The following MEI4 variants were observed in gnomAD, a reference collection of about 807,000 sequenced individuals.
MEI4 encodes meiotic double-stranded break formation protein 4.
A neutral mutation model predicts 31.4 loss-of-function variants in MEI4; 27 were observed. The ratio of observed to expected loss-of-function variants is 0.86; its 90% CI spans 0.63 to 1.19. The LOEUF (loss-of-function observed/expected upper bound fraction) is 1.19, where lower values mean the gene tolerates loss of function less well. MEI4 is among the 50% of genes most tolerant of loss of function. The pLI is 0.00. For synonymous variants in MEI4, 122 were observed against 145.4 expected, an observed-to-expected ratio of 0.84 and a Z score of 1.16; for missense variants, 329 against 398.9, an observed-to-expected ratio of 0.82 and a Z score of 1.49.
At chr6:77,776,699 C>T (rs1252071086) in intron 3 of MEI4, among the ~76,000 whole-genome samples, 1 of 152,052 alleles carries the variant, frequency 6.6e-6, no homozygotes, top group African/African-American at 2.4e-5. Flanking sequence ...ACCCTGAAGC[C>T]TCTGTAGTTT....
chr6:77,734,769 T>G (rs1582076483), intron 2 of MEI4, among the ~76,000 whole-genome samples: 2 of 152,034 alleles, frequency 1.3e-5, no homozygotes, highest in Non-Finnish European at 2.9e-5. Context: ...GCAGTGGCTG[T>G]TACTGGTTGT....
At chr6:77,829,666 C>T (rs1446372133) in intron 4 of MEI4, among the ~76,000 whole-genome samples, 2 of 152,092 alleles carry the variant, frequency 1.3e-5, no homozygotes, top group African/African-American at 4.8e-5. Flanking sequence ...GTAGAAGGAA[C>T]ATAAGTCATT....
At chr6:77,922,456 C>CTGAT (rs942057531) in intron 4 of MEI4, among the ~76,000 whole-genome samples, 39 of 151,720 alleles carry the variant, frequency 2.6e-4, no homozygotes, top group African/African-American at 9.2e-4. Flanking sequence ...CATTTTTATA[C>CTGAT]TGATTCTGCC....
At chr6:77,801,778 A>C (rs1769268424) in intron 3 of MEI4, among the ~76,000 whole-genome samples, 1 of 152,000 alleles carries the variant, frequency 6.6e-6, no homozygotes, top group Non-Finnish European at 1.5e-5. Flanking sequence ...CATGTAGTTG[A>C]GCGGTTTTGA....
intron 4 of MEI4, among the ~76,000 whole-genome samples, chr6:77,883,745 A>ATATATATAT (rs55947073): frequency 0.027 from 2,242 of 82,184 alleles, 119 homozygotes; most frequent in African/African-American, 0.039. Context: ...TATATATATA[A>ATATATATAT]CTTTGTCTTT....
chr6:77,795,766 GA>G lies in MEI4; in HGVS notation c.769-33153del, dbSNP rs71774242. Among the ~76,000 whole-genome samples the G allele has an allele frequency of 1.8e-3, 264 of 143,692 alleles. 2 individuals are homozygous for G. Among genetic ancestry groups the G allele is most frequent in the Middle Eastern group, 0.011 (3 of 274 alleles). 94.3% of individuals were successfully genotyped at this position (143,692 alleles called of 152,430 possible). A position where few individuals can be genotyped will look rare whatever the true frequency, so the allele number is the denominator to read the frequency against. ...AATAATGAATAAAGAGATTGCATTG[GA>G]AAAAAAAAAAACTCCCAACAAATAA... On this transcript the variant is annotated intron_variant, in intron 3 of 4. Transcript: ENST00000684080.
chr6:77,917,792 T>C (rs1339356337), intron 4 of MEI4, among the ~76,000 whole-genome samples: 4 of 151,276 alleles, frequency 2.6e-5, no homozygotes, highest in Admixed American at 2.6e-4. Flanking sequence ...TTTGTCAATT[T>C]TGTCTTTTCT....
At chr6:77,834,983 A>G (rs998280904) in intron 4 of MEI4, among the ~76,000 whole-genome samples, 2 of 152,144 alleles carry the variant, frequency 1.3e-5, no homozygotes, top group African/African-American at 2.4e-5. Flanking sequence ...CAGCCAAGCA[A>G]TCTGAAGCTA....
chr6:77,836,281 G>T (rs1770217644), intron 4 of MEI4, among the ~76,000 whole-genome samples: 1 of 152,046 alleles, frequency 6.6e-6, no homozygotes, highest in South Asian at 2.1e-4. Context: ...CAGTAGCCAA[G>T]CTATTAAAAA....
intron 4 of MEI4, among the ~76,000 whole-genome samples, chr6:77,859,195 T>G (rs1178796260): frequency 6.6e-6 from 1 of 152,184 alleles, no homozygotes; most frequent in Non-Finnish European, 1.5e-5. Context: ...AAGGACATGA[T>G]CTCATCCCTT....
chr6:77,802,324 T>C (rs1434643148), intron 3 of MEI4, among the ~76,000 whole-genome samples: 1 of 152,206 alleles, frequency 6.6e-6, no homozygotes, highest in African/African-American at 2.4e-5. Context: ...ATTTGCTTGG[T>C]AGATCTTCCT....
intron 1 of MEI4, among the ~76,000 whole-genome samples, chr6:77,666,892 C>CATGT (rs1768648511): frequency 2.0e-5 from 3 of 150,670 alleles, no homozygotes; most frequent in Admixed American, 2.0e-4. Flanking sequence ...TGCGTGCGTG[C>CATGT]GTGCGTGCAT....
chr6:77,664,691 G>A (rs926343311), intron 1 of MEI4, among the ~76,000 whole-genome samples: 1 of 152,024 alleles, frequency 6.6e-6, no homozygotes, highest in African/African-American at 2.4e-5. Context: ...CAGGCAGGAG[G>A]GAAAGAAGGA....
At position 77,694,265 on chromosome 6, in the gene MEI4, T is replaced by A. The variant is rs1769214209; in HGVS notation, c.232+3362T>A. Among the ~76,000 whole-genome samples, 3 of 152,076 alleles carry A rather than the reference T, an allele frequency of 2.0e-5. No individual in the cohort carries two copies. In the South Asian group the frequency reaches 6.2e-4, roughly 31 times the overall value. ...TCTTTTTATTATTTATTTATTTTAATTTTATTATTATTACACTTTAAGTTT... is the reference window on the plus strand; with the variant it reads ...TCTTTTTATTATTTATTTATTTTAAATTTATTATTATTACACTTTAAGTTT... On this transcript the variant is annotated intron_variant, in intron 2 of 4. Coordinates refer to ENST00000684080, the MANE Select transcript of MEI4 (RefSeq NM_001322247.2).
At chr6:77,852,359 T>C (rs1877531) in intron 4 of MEI4, among the ~76,000 whole-genome samples, 58,905 of 152,044 alleles carry the variant, frequency 0.39, 12,388 homozygotes, top group African/African-American at 0.57. Context: ...ACATAATCAG[T>C]GCAAATGTTG....
At chr6:77,780,818 C>T (rs1768576627) in intron 3 of MEI4, among the ~76,000 whole-genome samples, 1 of 151,934 alleles carries the variant, frequency 6.6e-6, no homozygotes, top group Non-Finnish European at 1.5e-5. Flanking sequence ...AATGTCTCTT[C>T]TGTTAAAAGT....
In MEI4 at chr6:77,760,792, C is replaced by A. The variant is rs553721995; in HGVS notation, c.233-338C>A. ...GGTACACCTTATTGCTTTGTAGTTACCTATTGGATTCACTACCAGACTGTG... is the reference window on the plus strand; with the variant it reads ...GGTACACCTTATTGCTTTGTAGTTAACTATTGGATTCACTACCAGACTGTG... On this transcript the variant is annotated intron_variant, in intron 2 of 4. Transcript: ENST00000684080. Among the ~76,000 whole-genome samples, 9 of 152,282 alleles carry A rather than the reference C, an allele frequency of 5.9e-5. No homozygotes were observed. In the South Asian group the frequency reaches 1.9e-3, roughly 32 times the overall value.
chr6:77,773,627 C>A (rs1411003564), intron 3 of MEI4, among the ~76,000 whole-genome samples: 1 of 152,012 alleles, frequency 6.6e-6, no homozygotes, highest in African/African-American at 2.4e-5. Context: ...TTGAGTAATA[C>A]CTCACAAGCA....
At chr6:77,806,501 A>G (rs1769445450) in intron 3 of MEI4, among the ~76,000 whole-genome samples, 2 of 152,146 alleles carry the variant, frequency 1.3e-5, no homozygotes, top group South Asian at 4.1e-4. Context: ...CCCTGCCAAG[A>G]TTCAGGGTAT....
Sources: allele counts gnomAD v4.1 joint callset (sites outside exome capture counted in the v4.1 genomes callset), GRCh38; gene constraint gnomAD v4.1.1; transcripts MANE v1.5; gene names NCBI Gene and HGNC (gene_info 2026-07-23, HGNC 2026-07-21).